LRRC4C: variants seen among roughly 807,000 people sequenced by gnomAD.
LRRC4C encodes the protein leucine rich repeat containing 4C.
LRRC4C carries 5 observed loss-of-function variants against 33.6 expected under a neutral mutation model. That is an observed-to-expected ratio of 0.15 (90% CI 0.08 to 0.31). The LOEUF is 0.31. LRRC4C is among the 10% of genes least tolerant of loss of function. The probability of loss-of-function intolerance (pLI) is 1.00; values close to 1 mark genes in which losing one functional copy is unlikely to be tolerated. For synonymous variants in LRRC4C, 329 were observed against 302.0 expected, an observed-to-expected ratio of 1.09 and a Z score of -0.93; for missense variants, 560 against 796.7, an observed-to-expected ratio of 0.70 and a Z score of 3.58.
At chr11:40,909,467 T>C (rs1418060916) in intron 2 of LRRC4C, among the ~76,000 whole-genome samples, 1 of 152,066 alleles carries the variant, frequency 6.6e-6, no homozygotes, top group African/African-American at 2.4e-5. Flanking sequence ...AAGCAATAAA[T>C]AAACAGCAGA....
intron 1 of LRRC4C, among the ~76,000 whole-genome samples, chr11:41,229,821 C>G (rs1192844040): frequency 6.6e-6 from 1 of 152,052 alleles, no homozygotes; most frequent in African/African-American, 2.4e-5. Flanking sequence ...CCTGATAACT[C>G]TGATGTTTTG....
chr11:40,523,951 G>A (rs1420383145), intron 3 of LRRC4C, among the ~76,000 whole-genome samples: 2 of 152,122 alleles, frequency 1.3e-5, no homozygotes, highest in Non-Finnish European at 2.9e-5. Context: ...GGGGGATGTA[G>A]TAATAAGCTT....
At chr11:40,547,576 A>C (rs10837435) in intron 3 of LRRC4C, among the ~76,000 whole-genome samples, 51,802 of 151,890 alleles carry the variant, frequency 0.34, 10,608 homozygotes, top group East Asian at 0.65. Context: ...CAATATTATA[A>C]ACCTCAGGAT....
intron 1 of LRRC4C, among the ~76,000 whole-genome samples, chr11:40,958,930 C>G (rs1467760466): frequency 6.6e-6 from 1 of 151,658 alleles, no homozygotes; most frequent in African/African-American, 2.4e-5. Context: ...ATCTAGTCAT[C>G]CTTAGGCAGG....
At chr11:40,481,611 A>G (rs1358917863) in intron 3 of LRRC4C, among the ~76,000 whole-genome samples, 4 of 152,150 alleles carry the variant, frequency 2.6e-5, no homozygotes, top group Non-Finnish European at 5.9e-5. Context: ...TAATATGGAA[A>G]TTGAATTGGG....
At chr11:41,125,629 A>G (rs895430749) in intron 1 of LRRC4C, among the ~76,000 whole-genome samples, 4 of 152,060 alleles carry the variant, frequency 2.6e-5, no homozygotes, top group Admixed American at 6.6e-5. Context: ...TGTATTTTGC[A>G]TTTTTTCTCA....
intron 2 of LRRC4C, among the ~76,000 whole-genome samples, chr11:40,758,775 T>G (rs1301954334): frequency 3.3e-5 from 5 of 151,944 alleles, no homozygotes; most frequent in Non-Finnish European, 5.9e-5. Context: ...TTTGTGACCT[T>G]GCTCATTTTT....
At chr11:40,641,662 A>G (rs922722966) in intron 3 of LRRC4C, among the ~76,000 whole-genome samples, 3 of 152,160 alleles carry the variant, frequency 2.0e-5, no homozygotes, top group African/African-American at 7.2e-5. Flanking sequence ...CTTTCTCAGC[A>G]ATCCCCTTGC....
intron 2 of LRRC4C, among the ~76,000 whole-genome samples, chr11:40,805,277 T>C (rs1448383246): frequency 6.6e-6 from 1 of 152,082 alleles, no homozygotes; most frequent in African/African-American, 2.4e-5. Context: ...ACAGAAAAAG[T>C]GGGCTGACAG....
At chr11:41,225,651 T>A (rs1248626817) in intron 1 of LRRC4C, among the ~76,000 whole-genome samples, 7 of 151,798 alleles carry the variant, frequency 4.6e-5, no homozygotes, top group Middle Eastern at 3.4e-3. Flanking sequence ...TTATATATAT[T>A]TTTTTGTTTC....
At chr11:41,031,261 CA>C (rs573218337) in intron 1 of LRRC4C, among the ~76,000 whole-genome samples, 96 of 152,048 alleles carry the variant, frequency 6.3e-4, no homozygotes, top group Middle Eastern at 3.4e-3. Context: ...TTATTGATAA[CA>C]TCTGCTACCA....
intron 1 of LRRC4C, among the ~76,000 whole-genome samples, chr11:41,261,116 C>G (rs905849727): frequency 6.6e-6 from 1 of 151,986 alleles, no homozygotes; most frequent in Non-Finnish European, 1.5e-5. Context: ...GACATAGGGC[C>G]TTTAGGTGGT....
chr11:41,436,774 C>G (rs766066327), intron 1 of LRRC4C, among the ~76,000 whole-genome samples: 1 of 152,146 alleles, frequency 6.6e-6, no homozygotes, highest in African/African-American at 2.4e-5. Flanking sequence ...TGACCTATAC[C>G]AACGTTTCTC....
At chr11:40,734,634 A>C (rs1947762582) in intron 2 of LRRC4C, among the ~76,000 whole-genome samples, 1 of 152,178 alleles carries the variant, frequency 6.6e-6, no homozygotes, top group Non-Finnish European at 1.5e-5. Flanking sequence ...TGACAGAATC[A>C]CACCACATAG....
intron 1 of LRRC4C, among the ~76,000 whole-genome samples, chr11:41,374,775 A>AT (rs1445793583): frequency 1.3e-5 from 2 of 152,082 alleles, no homozygotes; most frequent in Admixed American, 6.6e-5. Flanking sequence ...GGAAAATAAC[A>AT]TTTTTTCTTG....
At chr11:41,233,123 T>G (rs1255461176) in intron 1 of LRRC4C, among the ~76,000 whole-genome samples, 3 of 152,080 alleles carry the variant, frequency 2.0e-5, no homozygotes, top group Non-Finnish European at 2.9e-5. Flanking sequence ...ATTTTCAGAA[T>G]GTGGTAAATA....
intron 3 of LRRC4C, among the ~76,000 whole-genome samples, chr11:40,510,642 T>A (rs1955267187): frequency 6.6e-6 from 1 of 152,188 alleles, no homozygotes; most frequent in African/African-American, 2.4e-5. Flanking sequence ...CAAAATCATT[T>A]TATATGTGAT....
intron 3 of LRRC4C, among the ~76,000 whole-genome samples, chr11:40,472,393 A>T (rs1217456079): frequency 6.8e-6 from 1 of 147,342 alleles, no homozygotes; most frequent in Non-Finnish European, 1.5e-5. Context: ...ACAGAAATAA[A>T]TAAGTTCTTT....
intron 2 of LRRC4C, among the ~76,000 whole-genome samples, chr11:40,780,097 T>C (rs763352359): frequency 6.6e-6 from 1 of 152,154 alleles, no homozygotes; most frequent in African/African-American, 2.4e-5. Context: ...AGTTCTAGTA[T>C]GCTGACACTG....
Sources: allele counts gnomAD v4.1 joint callset (sites outside exome capture counted in the v4.1 genomes callset), GRCh38; gene constraint gnomAD v4.1.1; transcripts MANE v1.5; gene names NCBI Gene and HGNC (gene_info 2026-07-23, HGNC 2026-07-21).